CYP46A1: variants seen among roughly 807,000 people sequenced by gnomAD.
CYP46A1 encodes cholesterol 24-hydroxylase.
Under a neutral mutation model 63.3 loss-of-function variants are expected in CYP46A1, and 20 were observed. The ratio of observed to expected loss-of-function variants is 0.32; its 90% CI spans 0.22 to 0.46. CYP46A1 has a LOEUF of 0.46. Ranked by LOEUF, CYP46A1 falls within the 20% of genes least tolerant of loss-of-function variation. The pLI is 1.00. For missense variants in CYP46A1, 445 were observed against 670.8 expected, an observed-to-expected ratio of 0.66 and a Z score of 3.72; for synonymous variants, 268 against 273.6, an observed-to-expected ratio of 0.98 and a Z score of 0.20.
intron 3 of CYP46A1, among the ~76,000 whole-genome samples, chr14:99,694,295 C>T (rs200872811): frequency 5.1e-5 from 7 of 137,118 alleles, no homozygotes; most frequent in African/African-American, 1.4e-4. Context: ...GATTTTCTTT[C>T]TTTTTTTTTT....
intron 3 of CYP46A1, among the ~76,000 whole-genome samples, chr14:99,698,327 C>A (rs915894460): frequency 6.6e-6 from 1 of 152,146 alleles, no homozygotes; most frequent in African/African-American, 2.4e-5. Flanking sequence ...CCGTCTCTCC[C>A]CTCTCTCCGC....
chr14:99,692,566 A>T (rs2056553090), intron 3 of CYP46A1, among the ~76,000 whole-genome samples: 1 of 151,622 alleles, frequency 6.6e-6, no homozygotes, highest in African/African-American at 2.4e-5. Context: ...ACAGTGGCTC[A>T]TGCCTGTAAT....
chr14:99,690,659 T>C (rs1278058135), intron 1 of CYP46A1, among the ~76,000 whole-genome samples: 3 of 152,186 alleles, frequency 2.0e-5, no homozygotes, highest in Non-Finnish European at 4.4e-5. Flanking sequence ...GGCAAATGAC[T>C]TCACCCTTTC....
At position 99,726,856 on chromosome 14, in the gene CYP46A1, C is replaced by G. The variant is rs1350239154; in HGVS notation, c.*129C>G. 10 of 759,704 alleles carry G rather than the reference C, an allele frequency of 1.3e-5. No homozygotes were observed. The Admixed American group carries it at 3.3e-4, about 25-fold the overall frequency. 47.1% of individuals were successfully genotyped at this position (759,704 alleles called of 1,614,324 possible). A position where few individuals can be genotyped will look rare whatever the true frequency, so the allele number is the denominator to read the frequency against. On this transcript the variant is annotated 3_prime_UTR_variant, in exon 15 of 15. Coordinates refer to ENST00000261835, the MANE Select transcript of CYP46A1 (RefSeq NM_006668.2). Reference sequence around the variant, plus strand: ...ACCCTTCACGCTGGCTTCCAGCGGGCCCTCTGCCGACCGCCTGCTTCACAC... The same window carrying G: ...ACCCTTCACGCTGGCTTCCAGCGGGGCCTCTGCCGACCGCCTGCTTCACAC...
chr14:99,725,254 G>C lies in CYP46A1; in HGVS notation c.1177-137G>C. The C allele has an allele frequency of 1.5e-6, 1 of 666,742 alleles. No individual in the cohort carries two copies. The allele number at this position is 666,742 out of a possible 1,614,324, so 41.3% of individuals were successfully genotyped here. On this transcript the variant is annotated intron_variant, in intron 12 of 14. Coordinates refer to ENST00000261835, the MANE Select transcript of CYP46A1 (RefSeq NM_006668.2). This position sits in a 1 kb window ranked among gnomAD's most constrained non-coding sequence, Gnocchi z 4.2. ...GGCCAGTGCAATGGACACCAACCTA[G>C]ATGAGGGGTGAAGACATGGGGGGAG...
intron 3 of CYP46A1, among the ~76,000 whole-genome samples, chr14:99,693,855 A>G (rs1247057155): frequency 6.6e-6 from 1 of 152,272 alleles, no homozygotes; most frequent in East Asian, 1.9e-4. Context: ...AAAATTTACC[A>G]TTTTTAGGTG....
chr14:99,688,821 T>C (rs913275539), intron 1 of CYP46A1, among the ~76,000 whole-genome samples: 1 of 152,066 alleles, frequency 6.6e-6, no homozygotes, highest in African/African-American at 2.4e-5. Flanking sequence ...GTGATCTCCA[T>C]GTTGTCGCAC....
At position 99,725,462 on chromosome 14, in the gene CYP46A1, C is replaced by T. The variant is rs199588723; in HGVS notation, c.1248C>T (p.Phe416=). ...EDPLTFNPDR[F]GPGAPKPRFT... is the part of the protein sequence containing the mutation. ...CGCTGACTTTCAACCCCGATCGCTT[C>T]GGCCCTGGAGCACCCAAGTAAGTCC... is the stretch of plus-strand genomic sequence containing the variant. Residue 416 remains phenylalanine (F), a synonymous_variant, in exon 13 of 15, where the codon TTC becomes TTT. Coordinates refer to ENST00000261835, the MANE Select transcript of CYP46A1 (RefSeq NM_006668.2). This position sits in a 1 kb window ranked among gnomAD's most constrained non-coding sequence, Gnocchi z 4.2. The T allele has an allele frequency of 3.0e-5, 48 of 1,614,028 alleles. No individual in the cohort carries two copies. In the East Asian group the frequency reaches 6.0e-4, roughly 20 times the overall value.
chr14:99,719,971 C>A (rs2056830295), intron 10 of CYP46A1, among the ~76,000 whole-genome samples: 1 of 151,656 alleles, frequency 6.6e-6, no homozygotes, highest in Non-Finnish European at 1.5e-5. Flanking sequence ...CACGGGTTAG[C>A]CAGGATGGTC....
At chr14:99,703,233 C>T (rs1424415297) in intron 5 of CYP46A1, among the ~76,000 whole-genome samples, 1 of 152,188 alleles carries the variant, frequency 6.6e-6, no homozygotes, top group Non-Finnish European at 1.5e-5. Context: ...TGGTGCCTAC[C>T]AGGTTTCTCC....
At chr14:99,687,151 A>G (rs2056501432) in intron 1 of CYP46A1, among the ~76,000 whole-genome samples, 1 of 151,924 alleles carries the variant, frequency 6.6e-6, no homozygotes, top group South Asian at 2.1e-4. Flanking sequence ...TTTTCTTACC[A>G]CATCCTACTG....
rs533338040 is a variant in CYP46A1 at position 99,717,985 on chromosome 14, G to A, written c.908-69G>A. 8.5e-4 allele frequency: 1,083 copies of A among 1,278,296 alleles called. 1 individual carries two copies. The highest frequency in any genetic ancestry group is 8.0e-4 in the Non-Finnish European group (705 of 886,320). The allele number at this position is 1,278,296 out of a possible 1,614,324, so 79.2% of individuals were successfully genotyped here. On this transcript the variant is annotated intron_variant, in intron 9 of 14. Coordinates refer to ENST00000261835, the MANE Select transcript of CYP46A1 (RefSeq NM_006668.2). The stretch of plus-strand genomic sequence containing the variant: ...ACATGCCAGCACTGGCTGGCATAGA[G>A]GCAGGCACAAACTGTCTCCTTCATC...
At chr14:99,688,792 G>T (rs535975061) in intron 1 of CYP46A1, among the ~76,000 whole-genome samples, 3 of 151,716 alleles carry the variant, frequency 2.0e-5, no homozygotes, top group African/African-American at 7.3e-5. Flanking sequence ...CACCAAACTT[G>T]CTGGGGGCTC....
chr14:99,688,093 G>A (rs940032947), intron 1 of CYP46A1, among the ~76,000 whole-genome samples: 1 of 152,056 alleles, frequency 6.6e-6, no homozygotes, highest in Non-Finnish European at 1.5e-5. Context: ...AACCCCAGGG[G>A]TTAGGGTGGA....
Position 99,684,401 on chromosome 14 carries a change from T to TGCCCTGCCCC in CYP46A1, c.-15_-6dup. On this transcript the variant is annotated 5_prime_UTR_variant, in exon 1 of 15. Coordinates refer to ENST00000261835, the MANE Select transcript of CYP46A1 (RefSeq NM_006668.2). ...CGCCCGGCCCGACCCTGGCCTGGCC[T>TGCCCTGCCCC]GCCCTGCCCCGGAGCCATGAGCCCC... 2.1e-6 allele frequency: 3 copies of TGCCCTGCCCC among 1,431,260 alleles called. 1 individual carries two copies. In the South Asian group the frequency reaches 4.1e-5, roughly 19 times the overall value. 88.7% of individuals were successfully genotyped at this position (1,431,260 alleles called of 1,614,324 possible).
At chr14:99,691,690 C>T (rs745948162) in intron 2 of CYP46A1, 90 bp from the exon 3 acceptor site, 33 of 1,237,286 alleles carry the variant, frequency 2.7e-5, no homozygotes, top group Middle Eastern at 1.9e-4. Context: ...CCTTCTGGGA[C>T]GGGAAACATC....
chr14:99,711,700 A>T (rs2056733770), intron 7 of CYP46A1: 1 of 152,126 alleles, frequency 6.6e-6, no homozygotes, highest in Non-Finnish European at 1.5e-5. Flanking sequence ...TCCCAAACCC[A>T]TGAAGAAGAA....
chr14:99,704,213 A>G (rs896230890), intron 5 of CYP46A1, among the ~76,000 whole-genome samples: 1 of 152,258 alleles, frequency 6.6e-6, no homozygotes. Context: ...GTTCAGTGGT[A>G]TTAAATTCAT....
chr14:99,696,111 C>T (rs774938758), intron 3 of CYP46A1, among the ~76,000 whole-genome samples: 1 of 152,154 alleles, frequency 6.6e-6, no homozygotes, highest in Non-Finnish European at 1.5e-5. Context: ...AGGTTGTTTA[C>T]ATTTACTGTA....
Sources: allele counts gnomAD v4.1 joint callset (sites outside exome capture counted in the v4.1 genomes callset), GRCh38; gene constraint gnomAD v4.1.1; non-coding constraint Gnocchi (gnomAD v3.1); transcripts MANE v1.5; gene names NCBI Gene and HGNC (gene_info 2026-07-23, HGNC 2026-07-21).